The following PTPRG variants were observed in gnomAD, a reference collection of about 807,000 sequenced individuals.
The protein encoded by PTPRG is protein tyrosine phosphatase receptor type G.
A neutral mutation model predicts 165.3 loss-of-function variants in PTPRG; 102 were observed. That is an observed-to-expected ratio of 0.62 (90% CI 0.53 to 0.73). The LOEUF is 0.73. Among genes scored for constraint, PTPRG ranks in the 30% least tolerant of loss-of-function variants. PTPRG has a pLI of 0.00. For missense variants in PTPRG, 1,866 were observed against 1,861.4 expected (o/e 1.00, Z -0.05); for synonymous variants, 675 against 669.5 (o/e 1.01, Z -0.13).
chr3:61,852,833 A>G (rs1195388993), intron 2 of PTPRG, among the ~76,000 whole-genome samples: 1 of 152,196 alleles, frequency 6.6e-6, no homozygotes, highest in Non-Finnish European at 1.5e-5. Flanking sequence ...CCAGGGGCCT[A>G]TTTTAGAAAT....
At chr3:61,892,041 C>A (rs2038229039) in intron 2 of PTPRG, among the ~76,000 whole-genome samples, 1 of 152,098 alleles carries the variant, frequency 6.6e-6, no homozygotes, top group Non-Finnish European at 1.5e-5. Context: ...GTGCTAGGCA[C>A]TGGACCATTT....
intron 2 of PTPRG, among the ~76,000 whole-genome samples, chr3:61,836,410 ATC>A (rs888548326): frequency 3.3e-5 from 5 of 152,144 alleles, no homozygotes; most frequent in African/African-American, 1.2e-4. Context: ...CCTGGTGTTG[ATC>A]TACAAAGATG....
chr3:61,968,734 C>T lies in PTPRG; in HGVS notation c.191-20891C>T, dbSNP rs986749856. 8.5e-4 allele frequency among the ~76,000 whole-genome samples: 129 copies of T among 152,078 alleles called. 9 individuals carry two copies. Among genetic ancestry groups the T allele is most frequent in the Non-Finnish European group, 1.2e-4 (8 of 68,028 alleles). Reference sequence around the variant, plus strand: ...GCCCTCTCAACTTTACTTTCTTCATCTGTTAAATGTTGGATGGAGGAGGGG... The same window carrying T: ...GCCCTCTCAACTTTACTTTCTTCATTTGTTAAATGTTGGATGGAGGAGGGG... On this transcript the variant is annotated intron_variant, in intron 2 of 29. Coordinates refer to ENST00000474889, the MANE Select transcript of PTPRG (RefSeq NM_002841.4).
intron 2 of PTPRG, among the ~76,000 whole-genome samples, chr3:61,786,238 G>T (rs1244160349): frequency 6.6e-6 from 1 of 152,122 alleles, no homozygotes; most frequent in African/African-American, 2.4e-5. Context: ...ATTTGCATTG[G>T]CCAATGGACA....
chr3:62,186,968 C>T (rs910988025), intron 8 of PTPRG, among the ~76,000 whole-genome samples: 1 of 152,200 alleles, frequency 6.6e-6, no homozygotes, highest in African/African-American at 2.4e-5. Context: ...GGAAGGGGAA[C>T]ATGTCACACA....
At chr3:61,674,355 C>T (rs1244037526) in intron 1 of PTPRG, among the ~76,000 whole-genome samples, 1 of 151,718 alleles carries the variant, frequency 6.6e-6, no homozygotes, top group Non-Finnish European at 1.5e-5. Context: ...TATTGGTTAG[C>T]AGGGAGTAGT....
intron 1 of PTPRG, among the ~76,000 whole-genome samples, chr3:61,579,829 T>C (rs1700243454): frequency 6.6e-6 from 1 of 152,232 alleles, no homozygotes; most frequent in African/African-American, 2.4e-5. Context: ...ACTTGGCCAC[T>C]GTAGGGATAC....
intron 2 of PTPRG, among the ~76,000 whole-genome samples, chr3:61,801,316 T>G (rs545082697): frequency 1.3e-5 from 2 of 151,752 alleles, no homozygotes; most frequent in Admixed American, 6.6e-5. Context: ...GTGTAATTTT[T>G]TTTTTTTTTT....
At chr3:61,770,247 G>T (rs1324522477) in intron 2 of PTPRG, 1 of 152,094 alleles carries the variant, frequency 6.6e-6, no homozygotes, top group Non-Finnish European at 1.5e-5. Context: ...TCCTCAATTT[G>T]TGCAATTCAT....
chr3:62,193,015 A>T (rs995064604), intron 9 of PTPRG, among the ~76,000 whole-genome samples: 2 of 152,172 alleles, frequency 1.3e-5, no homozygotes, highest in Admixed American at 6.5e-5. Context: ...AGACATTGTT[A>T]TCTGGGTCAC....
intron 1 of PTPRG, among the ~76,000 whole-genome samples, chr3:61,568,661 G>T (rs548216035): frequency 6.6e-6 from 1 of 152,104 alleles, no homozygotes; most frequent in Non-Finnish European, 1.5e-5. Context: ...TGTAATTCCA[G>T]CATTTTGGGA....
At chr3:61,930,856 T>G (rs918954484) in intron 2 of PTPRG, among the ~76,000 whole-genome samples, 4 of 151,934 alleles carry the variant, frequency 2.6e-5, no homozygotes, top group African/African-American at 9.7e-5. Flanking sequence ...AGGTCAGGAG[T>G]TCGAGACCAG....
At chr3:62,250,905 A>C (rs953056241) in intron 15 of PTPRG, among the ~76,000 whole-genome samples, 11 of 152,198 alleles carry the variant, frequency 7.2e-5, no homozygotes, top group African/African-American at 2.7e-4. Flanking sequence ...TACATAATCT[A>C]ATTCTAACCA....
At chr3:62,244,156 C>A (rs970438085) in intron 15 of PTPRG, among the ~76,000 whole-genome samples, 10 of 152,200 alleles carry the variant, frequency 6.6e-5, no homozygotes, top group Admixed American at 5.9e-4. Flanking sequence ...TTTGCATAGG[C>A]AATTTGTGCT....
At chr3:61,962,290 G>A (rs1241114988) in intron 2 of PTPRG, among the ~76,000 whole-genome samples, 2 of 152,190 alleles carry the variant, frequency 1.3e-5, no homozygotes, top group African/African-American at 4.8e-5. Context: ...ATTGCTTGAA[G>A]TATAAGCATA....
chr3:62,004,727 C>A (rs1471901308), intron 4 of PTPRG, among the ~76,000 whole-genome samples: 3 of 152,192 alleles, frequency 2.0e-5, no homozygotes, highest in African/African-American at 7.2e-5. Context: ...ACAGTTCCAG[C>A]CGATGGCTGT....
chr3:62,123,416 T>G (rs1703156055), intron 5 of PTPRG, among the ~76,000 whole-genome samples: 1 of 152,126 alleles, frequency 6.6e-6, no homozygotes, highest in Non-Finnish European at 1.5e-5. Flanking sequence ...CTGGCTAATG[T>G]TTTTTATTTT....
chr3:61,764,606 A>G (rs1030595896), intron 2 of PTPRG, among the ~76,000 whole-genome samples: 1 of 152,222 alleles, frequency 6.6e-6, no homozygotes, highest in African/African-American at 2.4e-5. Context: ...ACTTGAGCAG[A>G]CATCTGAACA....
Position 62,079,338 on chromosome 3 carries a change from T to G in PTPRG, c.615+1080T>G, listed in dbSNP as rs184534841. Among the ~76,000 whole-genome samples the G allele has an allele frequency of 3.3e-3, 503 of 152,342 alleles. 2 individuals carry two copies. The highest frequency in any genetic ancestry group is 0.012 in the African/African-American group (479 of 41,576). ...TTCTACCTAGAATAAGAACAATGGT[T>G]GCCATTGGTGATTATGGCACTGGTT... On this transcript the variant is annotated intron_variant, in intron 5 of 29. Transcript: ENST00000474889.
Sources: gnomAD v4.1 joint callset for allele counts (sites outside exome capture counted in the v4.1 genomes callset) on GRCh38, gnomAD v4.1.1 for gene constraint, MANE v1.5 for transcripts, NCBI Gene and HGNC (gene_info 2026-07-23, HGNC 2026-07-21) for gene names.